The following NFKB1 variants were observed in gnomAD, a reference collection of about 807,000 sequenced individuals.
The protein encoded by NFKB1 is nuclear factor NF-kappa-B p105 subunit.
NFKB1 carries 9 observed loss-of-function variants against 105.1 expected under a neutral mutation model. The observed-to-expected ratio is 0.09, with a 90% CI of 0.05 to 0.15. The LOEUF (loss-of-function observed/expected upper bound fraction) is 0.15, where lower values mean the gene tolerates loss of function less well. NFKB1 is among the 10% of genes least tolerant of loss of function. The probability of loss-of-function intolerance (pLI) is 1.00; values close to 1 mark genes in which losing one functional copy is unlikely to be tolerated. For synonymous variants in NFKB1, 440 were observed against 442.2 expected, an observed-to-expected ratio of 1.00 and a Z score of 0.06; for missense variants, 830 against 1,203.7, an observed-to-expected ratio of 0.69 and a Z score of 4.59.
chr4:102,600,401 A>T (rs943477596), intron 15 of NFKB1, among the ~76,000 whole-genome samples: 1 of 152,338 alleles, frequency 6.6e-6, no homozygotes, highest in Non-Finnish European at 1.5e-5. Flanking sequence ...AAGATCTTTA[A>T]AAAACCACCA....
chr4:102,613,104 C>T (rs1728579393), intron 22 of NFKB1, among the ~76,000 whole-genome samples: 2 of 151,974 alleles, frequency 1.3e-5, no homozygotes, highest in East Asian at 1.9e-4. Context: ...GCATGGATTT[C>T]AGAGCTTCAG....
chr4:102,544,713 G>A (rs1475064268), intron 5 of NFKB1, among the ~76,000 whole-genome samples: 1 of 152,136 alleles, frequency 6.6e-6, no homozygotes, highest in Non-Finnish European at 1.5e-5. Context: ...TAAATCCGCT[G>A]TATATATTCA....
intron 19 of NFKB1, among the ~76,000 whole-genome samples, chr4:102,608,741 A>T (rs1370932581): frequency 3.3e-5 from 5 of 152,122 alleles, no homozygotes; most frequent in Non-Finnish European, 5.9e-5. Context: ...TTTCTTTGGG[A>T]CACCATATTT....
intron 5 of NFKB1, among the ~76,000 whole-genome samples, chr4:102,551,370 G>GCGCGCA (rs1553931305): frequency 7.7e-4 from 108 of 139,508 alleles, no homozygotes; most frequent in Middle Eastern, 3.6e-3. Context: ...GTGTGTGTGC[G>GCGCGCA]CGCGCGCATG....
At chr4:102,571,020 T>C (rs980548152) in intron 6 of NFKB1, among the ~76,000 whole-genome samples, 1 of 152,146 alleles carries the variant, frequency 6.6e-6, no homozygotes, top group African/African-American at 2.4e-5. Flanking sequence ...GAGCCTGCAT[T>C]GCCAAGACAA....
At chr4:102,522,760 C>T (rs796217109) in intron 1 of NFKB1, among the ~76,000 whole-genome samples, 6 of 152,134 alleles carry the variant, frequency 3.9e-5, no homozygotes, top group South Asian at 2.1e-4. Context: ...CAGTCTAGAT[C>T]GACAGAAAGC....
At chr4:102,585,786 T>A (rs1157136936) in intron 11 of NFKB1, among the ~76,000 whole-genome samples, 2 of 152,074 alleles carry the variant, frequency 1.3e-5, no homozygotes, top group Non-Finnish European at 2.9e-5. Flanking sequence ...GCCCTCAGCA[T>A]TTGGGGTATA....
intron 9 of NFKB1, 67 bp from the exon 10 acceptor site, chr4:102,582,799 T>C (rs1560694273): frequency 1.9e-6 from 2 of 1,042,058 alleles, no homozygotes. Flanking sequence ...CAGTTTTATT[T>C]TTCAGCATGT....
At chr4:102,600,775 T>A in intron 15 of NFKB1, 120 bp from the exon 16 acceptor site, 1 of 700,104 alleles carries the variant, frequency 1.4e-6, no homozygotes, top group South Asian at 1.6e-5. Context: ...CAAAACATTT[T>A]AGGGCCAAAT....
chr4:102,606,644 T>G lies in NFKB1; in HGVS notation c.1901T>G (p.Ile634Ser). The change falls in exon 17 of 24, where the codon ATC becomes AGC. Residue 634 changes from isoleucine to serine, a missense_variant. Ile to Ser is a moderately radical substitution (Grantham distance 142). This residue lies in a region of NFKB1 where 418 missense variants were observed against 575.3 expected (regional missense o/e 0.73). Coordinates refer to ENST00000226574, the MANE Select transcript of NFKB1 (RefSeq NM_003998.4). ...GAAGGACATGATAAAGTTCTCAGTA[T>G]CTTACTCAAGCACAAAAAGGCAGCA... ...AKEGHDKVLS[I>S]LLKHKKAALL... 1 of 1,614,196 alleles carries G rather than the reference T, an allele frequency of 6.2e-7. No homozygotes were observed. The highest frequency in any genetic ancestry group is 8.5e-7 in the Non-Finnish European group (1 of 1,180,024).
intron 7 of NFKB1, chr4:102,578,600 A>G: frequency 2.1e-6 from 1 of 477,348 alleles, no homozygotes; most frequent in African/African-American, 1.9e-5. Context: ...TAGAGAGGAA[A>G]GGGAAAGGTG....
At chr4:102,601,453 AC>A (rs772181992) in intron 16 of NFKB1, among the ~76,000 whole-genome samples, 6 of 152,222 alleles carry the variant, frequency 3.9e-5, no homozygotes, top group Non-Finnish European at 7.3e-5. Flanking sequence ...AAATCACCAC[AC>A]AGAAAGGTTA....
intron 5 of NFKB1, among the ~76,000 whole-genome samples, chr4:102,549,077 G>A (rs1184492326): frequency 6.6e-6 from 1 of 152,056 alleles, no homozygotes; most frequent in Non-Finnish European, 1.5e-5. Flanking sequence ...AATACACTCC[G>A]AAAGAGATCA....
chr4:102,599,701 A>AGT (rs1157251017), intron 15 of NFKB1, among the ~76,000 whole-genome samples: 2 of 152,194 alleles, frequency 1.3e-5, no homozygotes, highest in East Asian at 3.8e-4. Context: ...GCCTTGACTG[A>AGT]GTTATATGAC....
At chr4:102,607,365 AT>A in intron 18 of NFKB1, 46 bp downstream of exon 18, 1 of 1,583,888 alleles carries the variant, frequency 6.3e-7, no homozygotes, top group Non-Finnish European at 8.6e-7. Flanking sequence ...TCTGAGGGAG[AT>A]TTAAGGAAAT....
At chr4:102,533,224 G>A (rs752078193) in intron 3 of NFKB1, among the ~76,000 whole-genome samples, 30 of 151,998 alleles carry the variant, frequency 2.0e-4, no homozygotes, top group South Asian at 2.1e-4. Flanking sequence ...TGGGAGTGTC[G>A]GGGAGGAAAG....
chr4:102,599,003 T>G (rs1726895023), intron 15 of NFKB1, among the ~76,000 whole-genome samples: 1 of 152,208 alleles, frequency 6.6e-6, no homozygotes, highest in Non-Finnish European at 1.5e-5. Flanking sequence ...TCTCTTGTTT[T>G]AATTCAGCTC....
intron 19 of NFKB1, among the ~76,000 whole-genome samples, chr4:102,608,299 T>C (rs1245379098): frequency 1.3e-5 from 2 of 152,222 alleles, no homozygotes; most frequent in African/African-American, 2.4e-5. Context: ...GTGCACAGTC[T>C]CATTTAATGC....
intron 5 of NFKB1, among the ~76,000 whole-genome samples, chr4:102,553,943 G>A (rs183640301): frequency 1.9e-3 from 285 of 152,288 alleles, no homozygotes; most frequent in African/African-American, 6.5e-3. Context: ...GTGGTGAAAT[G>A]TATTTAAAAT....
Sources: gnomAD v4.1 joint callset for allele counts (sites outside exome capture counted in the v4.1 genomes callset) on GRCh38, gnomAD v4.1.1 for gene constraint, gnomAD v4.1.1 regional missense constraint, MANE v1.5 for transcripts, NCBI Gene and HGNC (gene_info 2026-07-23, HGNC 2026-07-21) for gene names.